The following SLC46A2 variants were observed in gnomAD, a reference collection of about 807,000 sequenced individuals.
The protein encoded by SLC46A2 is thymic stromal co-transporter.
Under a neutral mutation model 33.1 loss-of-function variants are expected in SLC46A2, and 25 were observed. The observed-to-expected ratio is 0.76, with a 90% confidence interval of 0.55 to 1.06. SLC46A2 has a LOEUF of 1.06. SLC46A2 is among the 50% of genes least tolerant of loss of function. SLC46A2 has a pLI of 0.00. For synonymous variants in SLC46A2, 254 were observed against 275.9 expected (o/e 0.92, Z 0.79); for missense variants, 622 against 621.7 (o/e 1.00, Z 0.00).
chr9:112,887,965 G>GAGAA (rs1194741789), intron 1 of SLC46A2, among the ~76,000 whole-genome samples: 3 of 150,772 alleles, frequency 2.0e-5, no homozygotes, highest in Non-Finnish European at 4.4e-5. Flanking sequence ...GAGAGAGAGA[G>GAGAA]AACGCACAAG....
Position 112,890,377 on chromosome 9 carries a change from C to T in SLC46A2, c.305G>A (p.Arg102His). ...GCAGATGGAGATCTTTCGGTGGTAG[C>T]GGTCGCTGAGCCATCCCAGCCCGTA... is the stretch of plus-strand genomic sequence containing the variant. ...SAYGLGWLSD[R>H]YHRKISICMS... Residue 102 changes from arginine (R) to histidine (H), a missense_variant, in exon 1 of 4, where the codon CGC becomes CAC. Arg to His is a conservative substitution (Grantham distance 29). Transcript: ENST00000374228. This position sits in a 1 kb window ranked among gnomAD's most constrained non-coding sequence, Gnocchi z 6.0. The T allele has an allele frequency of 6.2e-7, 1 of 1,614,088 alleles. No individual in the cohort carries two copies. Among genetic ancestry groups the T allele is most frequent in the African/African-American group, 1.3e-5 (1 of 75,060 alleles).
intron 1 of SLC46A2, among the ~76,000 whole-genome samples, chr9:112,888,139 T>G (rs1588150443): frequency 6.6e-6 from 1 of 152,118 alleles, no homozygotes; most frequent in East Asian, 1.9e-4. Context: ...TAGCTGGGTG[T>G]GGTGGTGCAT....
intron 3 of SLC46A2, among the ~76,000 whole-genome samples, chr9:112,883,976 T>C (rs1345060071): frequency 1.3e-5 from 2 of 152,336 alleles, no homozygotes; most frequent in South Asian, 2.1e-4. Context: ...ATTACAGGCA[T>C]GAGCCATCGT....
chr9:112,890,664 G>T lies in SLC46A2; in HGVS notation c.18C>A (p.Thr6=), dbSNP rs781184715. The T allele has an allele frequency of 1.3e-6, 2 of 1,597,382 alleles. No individual in the cohort carries two copies. Among genetic ancestry groups the T allele is most frequent in the Middle Eastern group, 2.2e-4 (1 of 4,646 alleles). MSPEV[T]CPRRGHLPRF... The stretch of plus-strand genomic sequence containing the variant: ...GAGGCAGGTGGCCCCTCCGCGGGCA[G>T]GTGACCTCGGGGCTCATGTGACCTC... The change falls in exon 1 of 4, where the codon ACC becomes ACA. Residue 6 remains threonine (T), a synonymous_variant. Coordinates refer to ENST00000374228, the MANE Select transcript of SLC46A2 (RefSeq NM_033051.4). This position sits in a 1 kb window ranked among gnomAD's most constrained non-coding sequence, Gnocchi z 6.0.
rs1219283707 is a variant in SLC46A2, at chr9:112,879,556, A to G, written c.*206T>C. The G allele has an allele frequency of 1.3e-5, 7 of 538,464 alleles. No individual in the cohort carries two copies. Among genetic ancestry groups the G allele is most frequent in the Admixed American group, 6.0e-5 (2 of 33,074 alleles). 33.4% of individuals were successfully genotyped at this position (538,464 alleles called of 1,614,324 possible). On this transcript the variant is annotated 3_prime_UTR_variant, in exon 4 of 4. Transcript: ENST00000374228. ...GCCTAATGGGGGTGTCTTAAAGCTG[A>G]GAACGTTTTTCCATCACCAGGAAAG...
In SLC46A2 at chr9:112,890,270, C is replaced by G. The variant is rs753769917; in HGVS notation, c.412G>C (p.Gly138Arg). 3.7e-6 allele frequency: 6 copies of G among 1,613,342 alleles called. No individual in the cohort carries two copies. The highest frequency in any genetic ancestry group is 4.5e-5 in the East Asian group (2 of 44,900). ...LLDWPVEVLY[G>R]AAALNGLFGG... ...AATAGCCCGTTCAGCGCCGCCGCCC[C>G]GTACAGCACCTCCACTGGCCAGTCC... Residue 138 changes from glycine to arginine, a missense_variant, in exon 1 of 4, where the codon GGG becomes CGG. Transcript: ENST00000374228. This position sits in a 1 kb window ranked among gnomAD's most constrained non-coding sequence, Gnocchi z 6.0.
At chr9:112,887,536 A>T (rs1181025379) in intron 1 of SLC46A2, 123 bp from the exon 2 acceptor site, 10 of 830,894 alleles carry the variant, frequency 1.2e-5, no homozygotes, top group Non-Finnish European at 1.8e-5. Context: ...GACCTGGAGG[A>T]AGTCATTTCT....
In SLC46A2 at chr9:112,890,038, C is replaced by T. The variant is rs775792493; in HGVS notation, c.644G>A (p.Cys215Tyr). 2.5e-6 allele frequency: 4 copies of T among 1,613,866 alleles called. No homozygotes were observed. In the South Asian group the frequency reaches 3.3e-5, roughly 13 times the overall value. The change falls in exon 1 of 4, where the codon TGT becomes TAT. Residue 215 changes from cysteine to tyrosine, a missense_variant. Physicochemically the swap from Cys to Tyr is radical, Grantham distance 194. Coordinates refer to ENST00000374228, the MANE Select transcript of SLC46A2 (RefSeq NM_033051.4). The surrounding 1 kb of genome is among the most constrained non-coding windows in gnomAD (Gnocchi z 6.0). ...GLILTACSVS[C>Y]ASFALLYSLL... ...GCTGTAGAGCAGGGCAAACGAGGCA[C>T]AGCTCACGCTGCAGGCCGTCAGTAT...
intron 3 of SLC46A2, among the ~76,000 whole-genome samples, chr9:112,884,966 T>C (rs1400236976): frequency 2.0e-5 from 3 of 152,154 alleles, no homozygotes; most frequent in Non-Finnish European, 4.4e-5. Flanking sequence ...CACTGCATGG[T>C]AGCTAAAATC....
At chr9:112,883,543 A>G (rs540003564) in intron 3 of SLC46A2, among the ~76,000 whole-genome samples, 7 of 152,228 alleles carry the variant, frequency 4.6e-5, no homozygotes, top group Non-Finnish European at 7.4e-5. Context: ...GAAATAAAGT[A>G]GTGCCTGGCA....
rs2131549113 is a variant in SLC46A2 at position 112,890,535 on chromosome 9, TC to T, written c.146del (p.Gly49GlufsTer18). ...GLLLVVKASY[G>X]TGGSSNHSAS... ...CACTGTGGTTGGAGGAGCCTCCGGT[TC>T]CGTAGGACGCCTTCACCACGAGGAG... is the stretch of plus-strand genomic sequence containing the variant. On this transcript the variant is annotated frameshift_variant, in exon 1 of 4. Coordinates refer to ENST00000374228, the MANE Select transcript of SLC46A2 (RefSeq NM_033051.4). LOFTEE classifies it high-confidence loss of function. The surrounding 1 kb of genome is among the most constrained non-coding windows in gnomAD (Gnocchi z 6.0). The T allele has an allele frequency of 6.2e-7, 1 of 1,613,884 alleles. No individual in the cohort carries two copies. The highest frequency in any genetic ancestry group is 2.2e-5 in the East Asian group (1 of 44,838).
At chr9:112,883,342 A>G (rs902819041) in intron 3 of SLC46A2, among the ~76,000 whole-genome samples, 17 of 152,156 alleles carry the variant, frequency 1.1e-4, no homozygotes, top group African/African-American at 3.9e-4. Flanking sequence ...GCACCCAGAT[A>G]CCAGGTGCAA....
chr9:112,886,501 A>G lies in SLC46A2; in HGVS notation c.1329T>C (p.Ala443=), dbSNP rs780038535. 5.0e-6 allele frequency: 8 copies of G among 1,614,202 alleles called. No homozygotes were observed. The South Asian group carries it at 6.6e-5, about 13-fold the overall frequency. The change falls in exon 3 of 4, where the codon GCT becomes GCC. Residue 443 remains alanine (A), a synonymous_variant. Coordinates refer to ENST00000374228, the MANE Select transcript of SLC46A2 (RefSeq NM_033051.4). ...TMDMFVGSCF[A]LSSFLSFLAI... is the part of the protein sequence containing the mutation. The stretch of plus-strand genomic sequence containing the variant: ...CCAGGAAGGAGAGAAAGGAGGAGAG[A>G]GCAAAGCAGGAGCCCACAAACATGT...
chr9:112,880,929 G>A (rs1217142625), intron 3 of SLC46A2, among the ~76,000 whole-genome samples: 2 of 152,038 alleles, frequency 1.3e-5, no homozygotes, highest in African/African-American at 2.4e-5. Context: ...AACATCATGA[G>A]CCCTTTGCAT....
Position 112,890,794 on chromosome 9 carries a change from CGTGCGCCG to C in SLC46A2, c.-121_-114del. 3 of 785,116 alleles carry C rather than the reference CGTGCGCCG, an allele frequency of 3.8e-6. No individual in the cohort carries two copies. In the African/African-American group the frequency reaches 7.3e-5, roughly 19 times the overall value. The allele number at this position is 785,116 out of a possible 1,614,324, so 48.6% of individuals were successfully genotyped here. On this transcript the variant is annotated 5_prime_UTR_variant, in exon 1 of 4. Coordinates refer to ENST00000374228, the MANE Select transcript of SLC46A2 (RefSeq NM_033051.4). The surrounding 1 kb of genome is among the most constrained non-coding windows in gnomAD (Gnocchi z 6.0). Reference sequence around the variant, plus strand: ...TCAGTCCCGGAGCGCGAGTGTGCTCCGTGCGCCGGGAGCGCGAGTGTGCTCCGTGCGCC... The same window carrying C: ...TCAGTCCCGGAGCGCGAGTGTGCTCCGGAGCGCGAGTGTGCTCCGTGCGCC...
chr9:112,887,526 G>T, intron 1 of SLC46A2, 113 bp from the exon 2 acceptor site: 3 of 933,848 alleles, frequency 3.2e-6, no homozygotes, highest in Admixed American at 3.1e-5. Flanking sequence ...AATGTGGCTT[G>T]ACCTGGAGGA....
chr9:112,883,208 G>A (rs961361611), intron 3 of SLC46A2, among the ~76,000 whole-genome samples: 9 of 152,152 alleles, frequency 5.9e-5, no homozygotes, highest in African/African-American at 2.2e-4. Context: ...GTGCAGACCT[G>A]CCTTGGGATA....
rs1841554074 is a variant in SLC46A2, at chr9:112,879,675, C to T, written c.*87G>A. On this transcript the variant is annotated 3_prime_UTR_variant, in exon 4 of 4. Transcript: ENST00000374228. The stretch of plus-strand genomic sequence containing the variant: ...CGCAGGTTTCTTAAGCAGTGGGTTG[C>T]TTAGGTCACCAGTTCCCTGGTCCCT... 1.5e-6 allele frequency: 2 copies of T among 1,297,198 alleles called. No homozygotes were observed. Among genetic ancestry groups the T allele is most frequent in the African/African-American group, 2.9e-5 (2 of 68,558 alleles). 80.4% of individuals were successfully genotyped at this position (1,297,198 alleles called of 1,614,324 possible).
intron 2 of SLC46A2, among the ~76,000 whole-genome samples, chr9:112,886,980 C>T (rs770115611): frequency 3.9e-5 from 6 of 152,262 alleles, no homozygotes; most frequent in East Asian, 1.9e-4. Context: ...CCTCTCACCT[C>T]GGCCTCCCAA....
Sources: allele counts gnomAD v4.1 joint callset (sites outside exome capture counted in the v4.1 genomes callset), GRCh38; gene constraint gnomAD v4.1.1; non-coding constraint Gnocchi (gnomAD v3.1); transcripts MANE v1.5; gene names NCBI Gene and HGNC (gene_info 2026-07-23, HGNC 2026-07-21).